Variants in PCDH11X observed in about 807,000 individuals in gnomAD.
PCDH11X encodes the protein protocadherin 11 X-linked.
PCDH11X carries 18 observed loss-of-function variants against 53.3 expected under a neutral mutation model. The ratio of observed to expected loss-of-function variants is 0.34; its 90% CI spans 0.23 to 0.50. The LOEUF is 0.50. Among genes scored for constraint, PCDH11X ranks in the 20% least tolerant of loss-of-function variants. The probability of loss-of-function intolerance (pLI) is 0.98; values close to 1 mark genes in which losing one functional copy is unlikely to be tolerated. For missense variants in PCDH11X, 570 were observed against 1,032.4 expected (o/e 0.55, Z 6.14); for synonymous variants, 279 against 393.3 (o/e 0.71, Z 3.44).
In PCDH11X at chrX:92,096,883, T is replaced by C. The variant is rs1005790390; in HGVS notation, c.3034-104492T>C. ...ACACAGCCAAACCATATCACATACA[T>C]ACACATTGTATAAAATGATGTACAA... On this transcript the variant is annotated intron_variant, in intron 6 of 10. Transcript: ENST00000682573. Among the ~76,000 whole-genome samples, 25 of 111,001 alleles carry C rather than the reference T, an allele frequency of 2.3e-4. 1 individual carries two copies. Among genetic ancestry groups the C allele is most frequent in the Admixed American group, 2.1e-3 (22 of 10,381 alleles).
chrX:92,345,870 C>T (rs1223736094), intron 8 of PCDH11X, among the ~76,000 whole-genome samples: 7 of 103,937 alleles, frequency 6.7e-5, no homozygotes, highest in Admixed American at 1.0e-4. Flanking sequence ...ATATCAGAAA[C>T]GTATCAAAGT....
At chrX:92,326,069 A>C (rs1405484289) in intron 8 of PCDH11X, among the ~76,000 whole-genome samples, 1 of 112,264 alleles carries the variant, frequency 8.9e-6, no homozygotes, top group South Asian at 3.7e-4. Context: ...TAAAATAACA[A>C]CAATCATTGT....
chrX:92,289,018 A>G (rs1254698633), intron 8 of PCDH11X, among the ~76,000 whole-genome samples: 1 of 111,707 alleles, frequency 9.0e-6, no homozygotes, highest in East Asian at 2.8e-4. Flanking sequence ...ATTTGCTTTA[A>G]TAATAGACTA....
chrX:92,170,165 TTG>T (rs2065799570), intron 6 of PCDH11X, among the ~76,000 whole-genome samples: 1 of 111,202 alleles, frequency 9.0e-6, no homozygotes, highest in Non-Finnish European at 1.9e-5. Flanking sequence ...GAACTGAAAG[TTG>T]TATTTTTAAT....
chrX:91,968,484 A>C (rs2061898615), intron 6 of PCDH11X, among the ~76,000 whole-genome samples: 1 of 111,545 alleles, frequency 9.0e-6, no homozygotes. Flanking sequence ...TGTACACCAC[A>C]AATCTCAGGT....
At chrX:91,843,004 G>A (rs1242360583) in intron 5 of PCDH11X, among the ~76,000 whole-genome samples, 1 of 107,062 alleles carries the variant, frequency 9.3e-6, no homozygotes, top group African/African-American at 3.4e-5. Flanking sequence ...AAATTCTAAA[G>A]AATGAAAGGC....
intron 6 of PCDH11X, among the ~76,000 whole-genome samples, chrX:92,189,672 C>T (rs1454872814): frequency 8.9e-6 from 1 of 112,090 alleles, no homozygotes; most frequent in Non-Finnish European, 1.9e-5. Context: ...CTAATTTGCA[C>T]TCCTACCAAC....
intron 8 of PCDH11X, among the ~76,000 whole-genome samples, chrX:92,277,259 G>A (rs1261581657): frequency 9.0e-6 from 1 of 110,969 alleles, no homozygotes; most frequent in Non-Finnish European, 1.9e-5. Context: ...AAGAATGCCT[G>A]GATGTCAGGC....
chrX:92,520,125 A>G (rs991256553), intron 10 of PCDH11X, among the ~76,000 whole-genome samples: 60 of 110,372 alleles, frequency 5.4e-4, no homozygotes, highest in South Asian at 1.1e-3. Context: ...CAACATTAAC[A>G]CTTAACGGTA....
intron 8 of PCDH11X, among the ~76,000 whole-genome samples, chrX:92,325,549 A>G (rs1473377156): frequency 3.6e-5 from 4 of 111,382 alleles, no homozygotes; most frequent in Non-Finnish European, 7.5e-5. Context: ...TTTCAGCCAA[A>G]TGAGAGAAAA....
At chrX:92,093,047 T>C (rs2064075527) in intron 6 of PCDH11X, among the ~76,000 whole-genome samples, 1 of 111,450 alleles carries the variant, frequency 9.0e-6, no homozygotes, top group Admixed American at 9.6e-5. Flanking sequence ...ATGTCAGAGG[T>C]GCCTGCTTCA....
intron 6 of PCDH11X, among the ~76,000 whole-genome samples, chrX:91,976,945 G>A (rs2062054868): frequency 9.1e-6 from 1 of 110,332 alleles, no homozygotes; most frequent in South Asian, 3.8e-4. Context: ...CTCCACTTTG[G>A]TTTTGAGATA....
chrX:91,987,627 A>G (rs2062247394), intron 6 of PCDH11X, among the ~76,000 whole-genome samples: 1 of 111,558 alleles, frequency 9.0e-6, no homozygotes, highest in African/African-American at 3.3e-5. Flanking sequence ...TGATGGAAAA[A>G]TGCTTCATAC....
At position 92,619,007 on chromosome X, in the gene PCDH11X, A is replaced by G. The variant is rs1261972507; in HGVS notation, c.*67A>G. On this transcript the variant is annotated 3_prime_UTR_variant, in exon 11 of 11. Transcript: ENST00000682573. ...AGTCAAAATTTAAGATACAATTCCA[A>G]TGAGTATTCTGATTATCAGATTTGT... The G allele has an allele frequency of 1.9e-6, 2 of 1,037,946 alleles. No homozygotes were observed. The highest frequency in any genetic ancestry group is 1.9e-5 in the African/African-American group (1 of 53,671). 85.5% of individuals were successfully genotyped at this position (1,037,946 alleles called of 1,213,427 possible).
intron 1 of PCDH11X, among the ~76,000 whole-genome samples, chrX:91,801,144 C>T (rs1369009593): frequency 1.1e-5 from 1 of 90,168 alleles, no homozygotes; most frequent in African/African-American, 4.3e-5. Flanking sequence ...CATGCCACTG[C>T]ACTCCAGCCT....
intron 6 of PCDH11X, among the ~76,000 whole-genome samples, chrX:92,148,806 A>G (rs185930938): frequency 0.012 from 1,296 of 108,070 alleles, 21 homozygotes; most frequent in African/African-American, 0.041. Context: ...ACACACACAC[A>G]CATAAATGTT....
At chrX:92,301,679 TTG>T (rs1182906228) in intron 8 of PCDH11X, among the ~76,000 whole-genome samples, 2 of 110,199 alleles carry the variant, frequency 1.8e-5, no homozygotes, top group African/African-American at 6.7e-5. Context: ...TTGTTTTGTT[TTG>T]TTTTGAGAAT....
intron 10 of PCDH11X, among the ~76,000 whole-genome samples, chrX:92,475,799 T>G (rs1486727823): frequency 8.9e-6 from 1 of 111,834 alleles, no homozygotes; most frequent in Non-Finnish European, 1.9e-5. Context: ...TACCTCCTCT[T>G]TAAGGCCAGT....
chrX:91,782,488 G>A (rs1935184226), intron 1 of PCDH11X, among the ~76,000 whole-genome samples: 1 of 110,390 alleles, frequency 9.1e-6, no homozygotes, highest in African/African-American at 3.3e-5. Flanking sequence ...AAGATGTGAA[G>A]AACGGCCTCT....
Sources: gnomAD v4.1 joint callset for allele counts (sites outside exome capture counted in the v4.1 genomes callset) on GRCh38, gnomAD v4.1.1 for gene constraint, MANE v1.5 for transcripts, NCBI Gene and HGNC (gene_info 2026-07-23, HGNC 2026-07-21) for gene names.